Variants in GPATCH8 observed in about 807,000 individuals in gnomAD.
GPATCH8 encodes G-patch domain containing 8, also known as G patch domain-containing protein 8.
GPATCH8 carries 18 observed loss-of-function variants against 118.3 expected under a neutral mutation model. The observed-to-expected ratio is 0.15, with a 90% CI of 0.11 to 0.23. GPATCH8 has a LOEUF of 0.23. GPATCH8 is among the 10% of genes least tolerant of loss of function. The pLI is 1.00. For missense variants in GPATCH8, 1,631 were observed against 1,873.8 expected, an observed-to-expected ratio of 0.87 and a Z score of 2.39; for synonymous variants, 659 against 684.7, an observed-to-expected ratio of 0.96 and a Z score of 0.59.
intron 3 of GPATCH8, among the ~76,000 whole-genome samples, chr17:44,453,928 C>T (rs1478900271): frequency 9.2e-6 from 1 of 109,282 alleles, no homozygotes; most frequent in Non-Finnish European, 2.3e-5. Flanking sequence ...TGAAGTTTAA[C>T]CTCAAAAAAA....
Position 44,405,905 on chromosome 17 carries a change from TA to T in GPATCH8, c.623+15del. 1 of 1,577,150 alleles carries T rather than the reference TA, an allele frequency of 6.3e-7. No homozygotes were observed. Among genetic ancestry groups the T allele is most frequent in the Non-Finnish European group, 8.7e-7 (1 of 1,146,396 alleles). On this transcript the variant is annotated intron_variant, in intron 7 of 7. Transcript: ENST00000591680. Reference sequence around the variant, plus strand: ...TATAATTATCTGTACAACCCTCTGATAAAAAATATCCTCACCATTCAGCTTG... The same window carrying T: ...TATAATTATCTGTACAACCCTCTGATAAAAATATCCTCACCATTCAGCTTG...
chr17:44,453,238 C>T (rs779920519), intron 3 of GPATCH8, among the ~76,000 whole-genome samples: 43 of 152,116 alleles, frequency 2.8e-4, no homozygotes, highest in Non-Finnish European at 5.3e-4. Flanking sequence ...CTTCCACATT[C>T]AGTGTGGCAT....
At chr17:44,438,974 AAAGT>A (rs1238114442) in intron 3 of GPATCH8, among the ~76,000 whole-genome samples, 1 of 152,174 alleles carries the variant, frequency 6.6e-6, no homozygotes, top group Admixed American at 6.5e-5. Flanking sequence ...GTGTCAGTTT[AAAGT>A]AAGAGAACTA....
chr17:44,466,992 T>C, intron 2 of GPATCH8: 1 of 390,180 alleles, frequency 2.6e-6, no homozygotes. Flanking sequence ...TGAGACATTA[T>C]GCTGATTGTG....
intron 3 of GPATCH8, among the ~76,000 whole-genome samples, chr17:44,447,161 ATT>A (rs555723475): frequency 2.9e-5 from 4 of 137,432 alleles, no homozygotes; most frequent in East Asian, 4.2e-4. Flanking sequence ...ATAAAAAAAA[ATT>A]TTTTTTTTTT....
At chr17:44,402,910 G>T (rs540271004) in intron 7 of GPATCH8, among the ~76,000 whole-genome samples, 1 of 152,266 alleles carries the variant, frequency 6.6e-6, no homozygotes, top group East Asian at 1.9e-4. Context: ...TTAAACTGAT[G>T]ATCTTGCCTG....
Position 44,395,970 on chromosome 17 carries a change from T to C in GPATCH8, c.*1598A>G, listed in dbSNP as rs1298395642. On this transcript the variant is annotated 3_prime_UTR_variant, in exon 8 of 8. Transcript: ENST00000591680. Reference sequence around the variant, plus strand: ...CTGAGGTGGTAATTCCTCTTGTCAGTGTCATGGGAGAAAAGAAACAAGGAA... The same window carrying C: ...CTGAGGTGGTAATTCCTCTTGTCAGCGTCATGGGAGAAAAGAAACAAGGAA... The C allele has an allele frequency of 1.5e-5, 7 of 454,258 alleles. No individual in the cohort carries two copies. Among genetic ancestry groups the C allele is most frequent in the South Asian group, 1.1e-4 (7 of 64,466 alleles). The allele number at this position is 454,258 out of a possible 1,614,324, so 28.1% of individuals were successfully genotyped here. A position where few individuals can be genotyped will look rare whatever the true frequency, so the allele number is the denominator to read the frequency against.
At chr17:44,421,228 C>A (rs1052912449) in intron 6 of GPATCH8, among the ~76,000 whole-genome samples, 1 of 151,846 alleles carries the variant, frequency 6.6e-6, no homozygotes, top group Admixed American at 6.6e-5. Context: ...GTAATTCCAG[C>A]TACTCTGGGG....
chr17:44,471,914 A>G (rs1368785763), intron 2 of GPATCH8, among the ~76,000 whole-genome samples: 1 of 149,708 alleles, frequency 6.7e-6, no homozygotes, highest in Non-Finnish European at 1.5e-5. Context: ...AAAACACTTA[A>G]AATTTTACTC....
chr17:44,450,848 T>C (rs1432709121), intron 3 of GPATCH8, among the ~76,000 whole-genome samples: 1 of 152,214 alleles, frequency 6.6e-6, no homozygotes, highest in African/African-American at 2.4e-5. Flanking sequence ...CAAGTATAGA[T>C]GCACAGATAG....
chr17:44,444,862 G>A (rs4793106), intron 3 of GPATCH8, among the ~76,000 whole-genome samples: 91,730 of 152,070 alleles, frequency 0.6, 27,886 homozygotes, highest in Middle Eastern at 0.67. Flanking sequence ...AGGCCAGAAT[G>A]GCATTTAGTT....
At position 44,397,714 on chromosome 17, in the gene GPATCH8, GA is replaced by G; in HGVS notation, c.4362del (p.His1455ThrfsTer64). 1 of 1,607,492 alleles carries G rather than the reference GA, an allele frequency of 6.2e-7. No individual in the cohort carries two copies. The highest frequency in any genetic ancestry group is 8.5e-7 in the Non-Finnish European group (1 of 1,175,908). On this transcript the variant is annotated frameshift_variant, in exon 8 of 8. Coordinates refer to ENST00000591680, the MANE Select transcript of GPATCH8 (RefSeq NM_001002909.4). LOFTEE classifies it high-confidence loss of function. Reference sequence around the variant, plus strand: ...TAGAGGGCAGCATGTGGGACAGGGTGAAAGGTGAAGGGCCCAGGATGGATGG... The same window carrying G: ...TAGAGGGCAGCATGTGGGACAGGGTGAAGGTGAAGGGCCCAGGATGGATGG... The part of the protein sequence containing the change: ...ASAIHPGPFT[F>X]HPVPHAALYP...
At position 44,399,174 on chromosome 17, in the gene GPATCH8, C is replaced by T; in HGVS notation, c.2903G>A (p.Ser968Asn). The T allele has an allele frequency of 6.2e-7, 1 of 1,611,750 alleles. No individual in the cohort carries two copies. Among genetic ancestry groups the T allele is most frequent in the East Asian group, 2.2e-5 (1 of 44,858 alleles). The change falls in exon 8 of 8, where the codon AGT becomes AAT. Residue 968 changes from serine to asparagine, a missense_variant. This residue lies in a region of GPATCH8 where 922 missense variants were observed against 879.7 expected (regional missense o/e 1.05). Coordinates refer to ENST00000591680, the MANE Select transcript of GPATCH8 (RefSeq NM_001002909.4). ...GCTACGGCTTCTCCGCTTGCTTCGA[C>T]TACGACTACAACTGCTGCTGCGGCT... ...GRSRSSSCSR[S>N]RSKRRSRSTT...
At chr17:44,488,169 T>C (rs1462860906) in intron 1 of GPATCH8, among the ~76,000 whole-genome samples, 1 of 150,014 alleles carries the variant, frequency 6.7e-6, no homozygotes, top group Non-Finnish European at 1.5e-5. Flanking sequence ...GTGATCCACC[T>C]GCCTCGGCCT....
intron 3 of GPATCH8, among the ~76,000 whole-genome samples, chr17:44,440,610 T>C (rs1202040706): frequency 6.6e-6 from 1 of 152,166 alleles, no homozygotes; most frequent in African/African-American, 2.4e-5. Context: ...TATGCAATAA[T>C]AGAAATTCCT....
intron 2 of GPATCH8, among the ~76,000 whole-genome samples, chr17:44,468,107 A>G (rs930527295): frequency 6.6e-6 from 1 of 151,518 alleles, no homozygotes; most frequent in East Asian, 1.9e-4. Context: ...AGCTGGGACT[A>G]CAGACACGCA....
In GPATCH8 at chr17:44,464,404, C is replaced by T. The variant is rs570860035; in HGVS notation, c.193+68G>A. On this transcript the variant is annotated intron_variant, in intron 3 of 7. Transcript: ENST00000591680. Reference sequence around the variant, plus strand: ...TACTTTTTTAAAAACACAACAAATACATTCAGGTACAAGATCTGCATCAGA... The same window carrying T: ...TACTTTTTTAAAAACACAACAAATATATTCAGGTACAAGATCTGCATCAGA... The T allele has an allele frequency of 6.4e-5, 60 of 932,000 alleles. 1 individual carries two copies. Among genetic ancestry groups the T allele is most frequent in the Non-Finnish European group, 9.9e-5 (55 of 556,656 alleles). 57.7% of individuals were successfully genotyped at this position (932,000 alleles called of 1,614,324 possible). A position where few individuals can be genotyped will look rare whatever the true frequency, so the allele number is the denominator to read the frequency against.
chr17:44,399,920 A>C lies in GPATCH8; in HGVS notation c.2157T>G (p.Asn719Lys), dbSNP rs764970937. Residue 719 changes from asparagine (N) to lysine (K), a missense_variant, in exon 8 of 8, where the codon AAT becomes AAG. By Grantham distance (94) the Asn-to-Lys change is moderately conservative. Around this residue, in one of 8 missense-constraint regions of GPATCH8, gnomAD observed 922 missense variants for 879.7 expected, o/e 1.05. Coordinates refer to ENST00000591680, the MANE Select transcript of GPATCH8 (RefSeq NM_001002909.4). ...CAGAATCTGCTGGGGCTGATGACTT[A>C]TTCTTCTTTCGTTTTCGTTTCTTGC... ...KKRKKRKRKK[N>K]KSSAPADSER... is the part of the protein sequence containing the mutation. 4.4e-6 allele frequency: 7 copies of C among 1,607,540 alleles called. No homozygotes were observed. Among genetic ancestry groups the C allele is most frequent in the East Asian group, 2.2e-5 (1 of 44,780 alleles).
chr17:44,473,840 C>G (rs1379760636), intron 2 of GPATCH8: 2 of 152,102 alleles, frequency 1.3e-5, no homozygotes, highest in Non-Finnish European at 2.9e-5. Context: ...ACACACAACA[C>G]CAACCTAATT....
Sources: allele counts gnomAD v4.1 joint callset (sites outside exome capture counted in the v4.1 genomes callset), GRCh38; gene constraint gnomAD v4.1.1; regional missense constraint gnomAD v4.1.1; transcripts MANE v1.5; gene names NCBI Gene and HGNC (gene_info 2026-07-23, HGNC 2026-07-21).